The following CPNE8 variants were observed in gnomAD, a reference collection of about 807,000 sequenced individuals.
CPNE8 encodes the protein copine-8.
CPNE8 carries 45 observed loss-of-function variants against 81.5 expected under a neutral mutation model. The ratio of observed to expected loss-of-function variants is 0.55; its 90% confidence interval spans 0.44 to 0.71. The LOEUF (loss-of-function observed/expected upper bound fraction) is 0.71, where lower values mean the gene tolerates loss of function less well. CPNE8 is among the 30% of genes least tolerant of loss of function. The pLI is 0.00. For synonymous variants in CPNE8, 252 were observed against 226.3 expected, an observed-to-expected ratio of 1.11 and a Z score of -1.02; for missense variants, 594 against 672.1, an observed-to-expected ratio of 0.88 and a Z score of 1.28.
chr12:38,844,057 G>A (rs1943514856), intron 4 of CPNE8, among the ~76,000 whole-genome samples: 1 of 151,980 alleles, frequency 6.6e-6, no homozygotes, highest in Admixed American at 6.6e-5. Context: ...CATGGTGTTG[G>A]GACAACTACT....
intron 3 of CPNE8, among the ~76,000 whole-genome samples, chr12:38,865,425 CA>C (rs1157974820): frequency 6.6e-6 from 1 of 152,170 alleles, no homozygotes; most frequent in Non-Finnish European, 1.5e-5. Flanking sequence ...GGGGTATATT[CA>C]TAAAATAGAG....
In CPNE8 at chr12:38,850,555, C is replaced by T. The variant is rs933640979; in HGVS notation, c.187-1893G>A. 3.9e-5 allele frequency among the ~76,000 whole-genome samples: 6 copies of T among 152,280 alleles called. No homozygotes were observed. In the East Asian group the frequency reaches 9.6e-4, roughly 24 times the overall value. On this transcript the variant is annotated intron_variant, in intron 3 of 19. Coordinates refer to ENST00000331366, the MANE Select transcript of CPNE8 (RefSeq NM_153634.3). ...TTAGCAAATCATCTATATATTATGA[C>T]TATATCCATTACAATATGTCTTCTA...
At chr12:38,750,135 G>A (rs1483340910) in intron 10 of CPNE8, among the ~76,000 whole-genome samples, 2 of 152,144 alleles carry the variant, frequency 1.3e-5, no homozygotes, top group Non-Finnish European at 2.9e-5. Flanking sequence ...TTGCTTCAGA[G>A]GGTGGAAGCC....
chr12:38,819,647 G>A (rs563069783), intron 6 of CPNE8, among the ~76,000 whole-genome samples: 15 of 151,434 alleles, frequency 9.9e-5, no homozygotes, highest in Admixed American at 3.3e-4. Context: ...GGCGCCTGTA[G>A]TCCCAGCTAC....
At chr12:38,849,182 C>T (rs902501672) in intron 3 of CPNE8, among the ~76,000 whole-genome samples, 2 of 152,102 alleles carry the variant, frequency 1.3e-5, no homozygotes, top group Non-Finnish European at 2.9e-5. Context: ...TCTGATTAAT[C>T]ATGTTTTAAT....
chr12:38,719,295 G>A (rs986382684), intron 13 of CPNE8, among the ~76,000 whole-genome samples: 1 of 152,076 alleles, frequency 6.6e-6, no homozygotes, highest in African/African-American at 2.4e-5. Flanking sequence ...ATTAATAAAA[G>A]TCAAATTTTA....
At chr12:38,712,852 TA>T (rs1940294412) in intron 13 of CPNE8, among the ~76,000 whole-genome samples, 1 of 152,204 alleles carries the variant, frequency 6.6e-6, no homozygotes, top group East Asian at 1.9e-4. Flanking sequence ...ATGGGCTTTG[TA>T]AATTTGAATA....
rs1565669813 is a variant in CPNE8, at chr12:38,902,270, A to AAGAAAAAAGAAAGAAAGAAAAAG, written c.98+3166_98+3167insCTTTTTCTTTCTTTCTTTTTTCT. ...GAAAGAAAGAAAAAAGAAAGAAAGA[A>AAGAAAAAAGAAAGAAAGAAAAAG]AAAGAAAAGAAAGAAGGAAGGAAGG... On this transcript the variant is annotated intron_variant, in intron 1 of 19. Transcript: ENST00000331366. Among the ~76,000 whole-genome samples the AAGAAAAAAGAAAGAAAGAAAAAG allele has an allele frequency of 7.0e-4, 82 of 117,440 alleles. 1 individual carries two copies. The highest frequency in any genetic ancestry group is 2.8e-3 in the African/African-American group (70 of 24,750). 77.0% of individuals were successfully genotyped at this position (117,440 alleles called of 152,430 possible).
intron 14 of CPNE8, among the ~76,000 whole-genome samples, chr12:38,700,239 C>CT (rs34234420): frequency 0.43 from 55,925 of 131,178 alleles, 13,296 homozygotes; most frequent in Middle Eastern, 0.58. Context: ...AAGTCCCCTT[C>CT]TTTTTTTTTT....
intron 3 of CPNE8, among the ~76,000 whole-genome samples, chr12:38,857,231 C>T (rs567386315): frequency 6.6e-6 from 1 of 152,218 alleles, no homozygotes; most frequent in African/African-American, 2.4e-5. Flanking sequence ...GTAGCCTTTA[C>T]ACAAGAGACA....
intron 6 of CPNE8, among the ~76,000 whole-genome samples, chr12:38,798,907 T>C (rs1054452931): frequency 2.6e-5 from 4 of 152,228 alleles, no homozygotes; most frequent in East Asian, 3.9e-4. Context: ...TCCCAGTCTC[T>C]GATAAAACAG....
chr12:38,777,773 C>A (rs1026981962), intron 6 of CPNE8, among the ~76,000 whole-genome samples: 3 of 152,134 alleles, frequency 2.0e-5, no homozygotes, highest in Admixed American at 6.5e-5. Flanking sequence ...GTAGGCTAGA[C>A]CAGGGGTCTG....
At chr12:38,680,004 T>C (rs1939374988) in intron 16 of CPNE8, among the ~76,000 whole-genome samples, 1 of 151,854 alleles carries the variant, frequency 6.6e-6, no homozygotes, top group Non-Finnish European at 1.5e-5. Flanking sequence ...CTTTTATAAA[T>C]TGCATAATTA....
chr12:38,735,673 A>G (rs1297547297), intron 10 of CPNE8, among the ~76,000 whole-genome samples: 1 of 151,818 alleles, frequency 6.6e-6, no homozygotes, highest in Non-Finnish European at 1.5e-5. Context: ...TTTTCCTTTT[A>G]ACTTCTTCAA....
At chr12:38,662,499 C>A (rs926667833) in intron 19 of CPNE8, among the ~76,000 whole-genome samples, 1 of 152,094 alleles carries the variant, frequency 6.6e-6, no homozygotes, top group African/African-American at 2.4e-5. Context: ...TTTAAGAAGA[C>A]ACAAAAATAA....
intron 13 of CPNE8, among the ~76,000 whole-genome samples, chr12:38,711,405 T>G (rs1940253150): frequency 6.6e-6 from 1 of 151,914 alleles, no homozygotes; most frequent in Admixed American, 6.6e-5. Flanking sequence ...CATAACAAAC[T>G]GGCAATGAAA....
intron 15 of CPNE8, among the ~76,000 whole-genome samples, chr12:38,688,508 C>T (rs1250881126): frequency 6.6e-6 from 1 of 152,008 alleles, no homozygotes; most frequent in Non-Finnish European, 1.5e-5. Context: ...CTGTTACTTG[C>T]ACACACCTTT....
chr12:38,738,824 T>TC (rs1205973751), intron 10 of CPNE8, among the ~76,000 whole-genome samples: 1 of 150,468 alleles, frequency 6.6e-6, no homozygotes, highest in Non-Finnish European at 1.5e-5. Context: ...TTTTTCTTTT[T>TC]TTTTTTTGAG....
At chr12:38,796,717 C>A (rs1239647967) in intron 6 of CPNE8, among the ~76,000 whole-genome samples, 1 of 152,076 alleles carries the variant, frequency 6.6e-6, no homozygotes, top group East Asian at 1.9e-4. Flanking sequence ...TGGAGCGCAC[C>A]ATGTCCAAGC....
Sources: gnomAD v4.1 joint callset for allele counts (sites outside exome capture counted in the v4.1 genomes callset) on GRCh38, gnomAD v4.1.1 for gene constraint, MANE v1.5 for transcripts, NCBI Gene and HGNC (gene_info 2026-07-23, HGNC 2026-07-21) for gene names.